The following TMEM182 variants were observed in gnomAD, a reference collection of about 807,000 sequenced individuals.
The protein encoded by TMEM182 is transmembrane protein 182.
In TMEM182, 20 loss-of-function variants were observed where a neutral mutation model predicts 26.8. The ratio of observed to expected loss-of-function variants is 0.75; its 90% CI spans 0.53 to 1.09. The LOEUF is 1.09. Ranked by LOEUF, TMEM182 falls within the 50% of genes least tolerant of loss-of-function variation. The pLI is 0.00. For missense variants in TMEM182, 277 were observed against 275.5 expected (o/e 1.01, Z -0.04); for synonymous variants, 109 against 102.2 (o/e 1.07, Z -0.40).
chr2:102,746,220 G>T (rs1162673813), intron 1 of TMEM182, among the ~76,000 whole-genome samples: 5 of 152,018 alleles, frequency 3.3e-5, no homozygotes, highest in African/African-American at 1.2e-4. Context: ...GTGTTTATCG[G>T]CCATTTGTAT....
downstream of TMEM182, among the ~76,000 whole-genome samples, chr2:102,819,348 T>G (rs570861809): frequency 6.6e-6 from 1 of 152,196 alleles, no homozygotes; most frequent in Non-Finnish European, 1.5e-5. Flanking sequence ...ATAAAGGCAC[T>G]GTAAGAAAAT....
chr2:102,775,924 C>G (rs1485290085), intron 3 of TMEM182, among the ~76,000 whole-genome samples: 1 of 152,056 alleles, frequency 6.6e-6, no homozygotes, highest in Non-Finnish European at 1.5e-5. Context: ...TATTTACATC[C>G]AATGAATTAA....
intron 3 of TMEM182, among the ~76,000 whole-genome samples, chr2:102,795,742 C>T (rs747105976): frequency 1.3e-5 from 2 of 152,116 alleles, no homozygotes; most frequent in Non-Finnish European, 2.9e-5. Flanking sequence ...TAGCTCTTTT[C>T]TCTGTGGGAT....
intron 3 of TMEM182, among the ~76,000 whole-genome samples, chr2:102,786,116 G>A (rs1334316549): frequency 6.6e-6 from 1 of 151,252 alleles, no homozygotes; most frequent in Non-Finnish European, 1.5e-5. Flanking sequence ...GAATTGGGCA[G>A]GAGGATTTAC....
chr2:102,805,493 G>A (rs187663508), intron 4 of TMEM182, among the ~76,000 whole-genome samples: 14 of 152,180 alleles, frequency 9.2e-5, no homozygotes, highest in African/African-American at 3.4e-4. Flanking sequence ...CTGGTTCACG[G>A]TCTAACACCT....
chr2:102,758,546 G>C (rs1680114137), upstream of TMEM182: 3 of 713,004 alleles, frequency 4.2e-6, no homozygotes, highest in Admixed American at 6.1e-5. Flanking sequence ...GAAAACATCT[G>C]TACAGGAAAC....
At chr2:102,766,117 A>G (rs1257519349) in intron 3 of TMEM182, among the ~76,000 whole-genome samples, 1 of 152,230 alleles carries the variant, frequency 6.6e-6, no homozygotes, top group African/African-American at 2.4e-5. Context: ...TGTTATTCAT[A>G]TAATGAGGTC....
At position 102,777,423 on chromosome 2, in the gene TMEM182, G is replaced by A. The variant is rs146596164; in HGVS notation, c.331+12996G>A. On this transcript the variant is annotated intron_variant, in intron 3 of 4. Coordinates refer to ENST00000412401, the MANE Select transcript of TMEM182 (RefSeq NM_144632.5). The stretch of plus-strand genomic sequence containing the variant: ...CGACTTTCTCCATTGAATTTCCTTC[G>A]CCTTTTTGTCAGATTAGTTGATTAT... 1.0e-3 allele frequency among the ~76,000 whole-genome samples: 153 copies of A among 152,010 alleles called. 1 individual carries two copies. Among genetic ancestry groups the A allele is most frequent in the African/African-American group, 3.3e-3 (135 of 41,516 alleles).
At chr2:102,810,129 TA>T (rs80314285) in intron 4 of TMEM182, among the ~76,000 whole-genome samples, 10 of 151,576 alleles carry the variant, frequency 6.6e-5, no homozygotes, top group East Asian at 1.9e-4. Context: ...ACTCTCTTTT[TA>T]AAAAAAAATA....
Position 102,815,750 on chromosome 2 carries a change from T to A in TMEM182, c.*782T>A, listed in dbSNP as rs1380278127. 7.4e-6 allele frequency: 7 copies of A among 945,516 alleles called. No homozygotes were observed. The East Asian group carries it at 7.0e-4, about 94-fold the overall frequency. The allele number at this position is 945,516 out of a possible 1,614,324, so 58.6% of individuals were successfully genotyped here. On this transcript the variant is annotated 3_prime_UTR_variant, in exon 5 of 5. Coordinates refer to ENST00000412401, the MANE Select transcript of TMEM182 (RefSeq NM_144632.5). ...GTTTAAAATATGTAAAAACCAAGCA[T>A]TTCCGCTTGGTCCATAATTCTATTT... is the stretch of plus-strand genomic sequence containing the variant.
chr2:102,835,281 C>T (rs1355515697), intron 3 of TMEM182, among the ~76,000 whole-genome samples: 1 of 152,118 alleles, frequency 6.6e-6, no homozygotes, highest in Non-Finnish European at 1.5e-5. Flanking sequence ...TAATAATAAT[C>T]GTGACTCGAT....
chr2:102,785,081 T>G, intron 3 of TMEM182, among the ~76,000 whole-genome samples: 1 of 152,174 alleles, frequency 6.6e-6, no homozygotes, highest in Admixed American at 6.5e-5. Context: ...TTCATGCAAC[T>G]TGGGCCAAAA....
downstream of TMEM182, among the ~76,000 whole-genome samples, chr2:102,821,692 T>C (rs1288013843): frequency 1.3e-5 from 2 of 152,194 alleles, no homozygotes; most frequent in Admixed American, 6.5e-5. Context: ...CCTTTAGGCC[T>C]TTGTTCAAAA....
At chr2:102,748,466 G>T (rs569806008) in intron 1 of TMEM182, among the ~76,000 whole-genome samples, 1 of 152,192 alleles carries the variant, frequency 6.6e-6, no homozygotes, top group Admixed American at 6.5e-5. Context: ...ATGAGAAAAG[G>T]CACAAAATAA....
At chr2:102,809,801 G>A (rs371856496) in intron 4 of TMEM182, among the ~76,000 whole-genome samples, 5 of 152,308 alleles carry the variant, frequency 3.3e-5, no homozygotes, top group African/African-American at 1.2e-4. Context: ...TACCTTTAGA[G>A]TGTGTGCAGC....
At chr2:102,842,689 G>T (rs1683377891) in intron 3 of TMEM182, among the ~76,000 whole-genome samples, 1 of 152,100 alleles carries the variant, frequency 6.6e-6, no homozygotes, top group Non-Finnish European at 1.5e-5. Context: ...TTTTAATTTT[G>T]TTCCTTCCTT....
chr2:102,795,358 T>C (rs1340953543), intron 3 of TMEM182, among the ~76,000 whole-genome samples: 1 of 152,208 alleles, frequency 6.6e-6, no homozygotes, highest in Non-Finnish European at 1.5e-5. Flanking sequence ...TTGAATTTTA[T>C]GTTGTCAAAA....
At chr2:102,740,817 T>C (rs917891089) in intron 1 of TMEM182, among the ~76,000 whole-genome samples, 1 of 152,218 alleles carries the variant, frequency 6.6e-6, no homozygotes, top group African/African-American at 2.4e-5. Context: ...AATCCAAATA[T>C]TCATCGACAG....
At chr2:102,781,433 G>C (rs1397462949) in intron 3 of TMEM182, among the ~76,000 whole-genome samples, 1 of 152,150 alleles carries the variant, frequency 6.6e-6, no homozygotes, top group Non-Finnish European at 1.5e-5. Context: ...GCAGAGTCTG[G>C]AGTTGAAGGT....
Sources: gnomAD v4.1 joint callset for allele counts (sites outside exome capture counted in the v4.1 genomes callset) on GRCh38, gnomAD v4.1.1 for gene constraint, MANE v1.5 for transcripts, NCBI Gene and HGNC (gene_info 2026-07-23, HGNC 2026-07-21) for gene names.